Variants in PDE4D observed in about 807,000 individuals in gnomAD.
PDE4D encodes the protein phosphodiesterase 4D, also known as 3',5'-cyclic-AMP phosphodiesterase 4D.
Under a neutral mutation model 87.4 loss-of-function variants are expected in PDE4D, and 24 were observed. The ratio of observed to expected loss-of-function variants is 0.27; its 90% CI spans 0.20 to 0.39. The LOEUF (loss-of-function observed/expected upper bound fraction) is 0.39. Ranked by LOEUF, PDE4D falls within the 10% of genes least tolerant of loss-of-function variation. The pLI is 1.00. For synonymous variants in PDE4D, 384 were observed against 383.2 expected (o/e 1.00, Z -0.02); for missense variants, 714 against 1,041.0 (o/e 0.69, Z 4.32).
At chr5:59,495,977 T>C (rs2081093) in intron 1 of PDE4D, among the ~76,000 whole-genome samples, 32,665 of 152,040 alleles carry the variant, frequency 0.21, 4,386 homozygotes, top group Non-Finnish European at 0.3. Context: ...CTCCACCTTA[T>C]CACAAGGACG....
intron 1 of PDE4D, among the ~76,000 whole-genome samples, chr5:60,405,889 G>T (rs1196905214): frequency 6.6e-6 from 1 of 152,134 alleles, no homozygotes; most frequent in Admixed American, 6.5e-5. Flanking sequence ...AACAAGTTGG[G>T]CTTCAAAACC....
intron 2 of PDE4D, among the ~76,000 whole-genome samples, chr5:60,121,702 C>T (rs933646269): frequency 1.7e-4 from 26 of 152,236 alleles, no homozygotes; most frequent in African/African-American, 4.1e-4. Flanking sequence ...GGTGGGGACA[C>T]GGAGCTAAAC....
intron 3 of PDE4D, among the ~76,000 whole-genome samples, chr5:59,911,672 A>C (rs1753454646): frequency 6.6e-6 from 1 of 152,196 alleles, no homozygotes; most frequent in African/African-American, 2.4e-5. Flanking sequence ...GTTGACTTAA[A>C]GATTGGCTTA....
At chr5:60,331,399 C>A (rs1757293138) in intron 1 of PDE4D, among the ~76,000 whole-genome samples, 1 of 152,210 alleles carries the variant, frequency 6.6e-6, no homozygotes, top group Non-Finnish European at 1.5e-5. Context: ...AAGAAGCTGG[C>A]CCCCAGGCTC....
intron 1 of PDE4D, among the ~76,000 whole-genome samples, chr5:59,771,549 AG>A (rs1317948634): frequency 7.2e-6 from 1 of 139,488 alleles, no homozygotes. Flanking sequence ...AAAGAAAGAA[AG>A]AAAAGAAAGA....
chr5:60,369,886 A>G (rs1760875358), intron 1 of PDE4D, among the ~76,000 whole-genome samples: 1 of 152,218 alleles, frequency 6.6e-6, no homozygotes, highest in South Asian at 2.1e-4. Flanking sequence ...ATATTCATTC[A>G]TGAGTTTTTA....
chr5:59,554,744 G>T (rs1054430444), intron 1 of PDE4D, among the ~76,000 whole-genome samples: 1 of 152,108 alleles, frequency 6.6e-6, no homozygotes, highest in Non-Finnish European at 1.5e-5. Context: ...ACTAGGTCTC[G>T]CTTTACCAAG....
chr5:59,016,730 A>T (rs374582057), intron 6 of PDE4D, among the ~76,000 whole-genome samples: 6 of 152,244 alleles, frequency 3.9e-5, no homozygotes, highest in African/African-American at 1.4e-4. Flanking sequence ...TTCTTATATA[A>T]AGCAAAGGGC....
chr5:58,989,356 T>A (rs964106263), intron 10 of PDE4D, among the ~76,000 whole-genome samples: 1 of 152,140 alleles, frequency 6.6e-6, no homozygotes, highest in African/African-American at 2.4e-5. Context: ...AAAATTAAAG[T>A]ATGTCCTTCT....
chr5:59,539,755 TAAC>T (rs1310533618), intron 1 of PDE4D, among the ~76,000 whole-genome samples: 2 of 152,030 alleles, frequency 1.3e-5, no homozygotes, highest in Non-Finnish European at 2.9e-5. Context: ...ATAACAAAAA[TAAC>T]AAAACTAAAT....
intron 1 of PDE4D, among the ~76,000 whole-genome samples, chr5:59,868,636 C>T (rs1747387831): frequency 6.6e-6 from 1 of 152,110 alleles, no homozygotes; most frequent in African/African-American, 2.4e-5. Flanking sequence ...TATTCTCTAA[C>T]TCCATCAGTA....
intron 1 of PDE4D, among the ~76,000 whole-genome samples, chr5:59,608,396 A>G (rs1332983856): frequency 1.3e-5 from 2 of 152,216 alleles, no homozygotes; most frequent in Admixed American, 1.3e-4. Flanking sequence ...CATTTCAAGT[A>G]TAACAACCAC....
chr5:59,620,828 T>C (rs1284672459), intron 1 of PDE4D, among the ~76,000 whole-genome samples: 2 of 152,176 alleles, frequency 1.3e-5, no homozygotes, highest in African/African-American at 2.4e-5. Flanking sequence ...TCAAGACTTT[T>C]ACTCAGCAAA....
At chr5:59,101,605 T>C (rs75454959) in intron 5 of PDE4D, among the ~76,000 whole-genome samples, 1,587 of 152,300 alleles carry the variant, frequency 0.01, 7 homozygotes, top group Non-Finnish European at 0.017. Context: ...GTAATATTTA[T>C]TGAAATTCAC....
At chr5:59,503,892 C>T (rs1808770645) in intron 1 of PDE4D, among the ~76,000 whole-genome samples, 1 of 145,438 alleles carries the variant, frequency 6.9e-6, no homozygotes, top group East Asian at 1.9e-4. Flanking sequence ...TATTTCTCTA[C>T]TAGAAGTCTT....
intron 5 of PDE4D, among the ~76,000 whole-genome samples, chr5:59,051,210 A>T (rs1433850598): frequency 6.6e-6 from 1 of 152,204 alleles, no homozygotes; most frequent in Non-Finnish European, 1.5e-5. Context: ...CATCTCTACT[A>T]AAAATACAAA....
intron 5 of PDE4D, among the ~76,000 whole-genome samples, chr5:59,107,188 T>A (rs1771746762): frequency 6.6e-6 from 1 of 152,022 alleles, no homozygotes; most frequent in Non-Finnish European, 1.5e-5. Flanking sequence ...GCTATGAGAG[T>A]GCTGAGGGCA....
intron 1 of PDE4D, among the ~76,000 whole-genome samples, chr5:60,286,435 T>G (rs2149760536): frequency 6.6e-6 from 1 of 152,328 alleles, no homozygotes; most frequent in East Asian, 1.9e-4. Context: ...AGACAGACAT[T>G]TGTTTACATA....
intron 1 of PDE4D, chr5:59,528,931 G>T: frequency 4.8e-6 from 2 of 415,632 alleles, no homozygotes; most frequent in South Asian, 3.6e-5. Context: ...AGCCAAATAT[G>T]ACATATCTCT....
Sources: gnomAD v4.1 joint callset for allele counts (sites outside exome capture counted in the v4.1 genomes callset) on GRCh38, gnomAD v4.1.1 for gene constraint, MANE v1.5 for transcripts, NCBI Gene and HGNC (gene_info 2026-07-23, HGNC 2026-07-21) for gene names.